The following FAM200B variants were observed in gnomAD, a reference collection of about 807,000 sequenced individuals.
FAM200B encodes protein FAM200B.
A neutral mutation model predicts 33.1 loss-of-function variants in FAM200B; 32 were observed. That is an observed-to-expected ratio of 0.97 (90% CI 0.73 to 1.30). The LOEUF is 1.30. Among genes scored for constraint, FAM200B ranks in the 50% most tolerant of loss-of-function variants. The pLI, the probability that FAM200B is intolerant of heterozygous loss-of-function variation, is 0.00. For missense variants in FAM200B, 741 were observed against 754.0 expected, an observed-to-expected ratio of 0.98 and a Z score of 0.20; for synonymous variants, 240 against 264.8, an observed-to-expected ratio of 0.91 and a Z score of 0.91.
At chr4:15,668,384 A>G in the FAM200B span, among the ~76,000 whole-genome samples, 3 of 152,134 alleles carry the variant, frequency 2.0e-5, no homozygotes, top group Non-Finnish European at 4.4e-5. Flanking sequence ...TCTGGGATGT[A>G]AAATAAGTGA....
the FAM200B span, among the ~76,000 whole-genome samples, chr4:15,648,462 C>T: frequency 2.6e-5 from 4 of 152,046 alleles, no homozygotes; most frequent in Non-Finnish European, 5.9e-5. Flanking sequence ...TTCATAATAG[C>T]CAAGATATGG....
At chr4:15,676,362 G>A in the FAM200B span, among the ~76,000 whole-genome samples, 1 of 152,150 alleles carries the variant, frequency 6.6e-6, no homozygotes, top group Non-Finnish European at 1.5e-5. Context: ...AAGATTGTAT[G>A]AGGATGGAAA....
At chr4:15,645,821 T>C in the FAM200B span, among the ~76,000 whole-genome samples, 1 of 152,252 alleles carries the variant, frequency 6.6e-6, no homozygotes, top group Non-Finnish European at 1.5e-5. Context: ...AAACATTAGC[T>C]ATTATCATTT....
the FAM200B span, among the ~76,000 whole-genome samples, chr4:15,642,013 G>A: frequency 6.6e-6 from 1 of 151,424 alleles, no homozygotes; most frequent in Non-Finnish European, 1.5e-5. Context: ...GGGTGACAGA[G>A]CAAGACTCTG....
chr4:15,642,443 C>T, the FAM200B span, among the ~76,000 whole-genome samples: 1 of 152,000 alleles, frequency 6.6e-6, no homozygotes, highest in Non-Finnish European at 1.5e-5. Flanking sequence ...ACCACATTGG[C>T]CAGGCTGGTC....
the FAM200B span, among the ~76,000 whole-genome samples, chr4:15,644,294 G>A: frequency 3.3e-3 from 507 of 152,236 alleles, 7 homozygotes; most frequent in African/African-American, 0.012. Flanking sequence ...TCACCGTCGG[G>A]ACTGATCTCT....
the FAM200B span, chr4:15,656,268 C>G: frequency 8.8e-6 from 4 of 456,164 alleles, no homozygotes; most frequent in South Asian, 6.2e-5. Flanking sequence ...ATCGCCTGGC[C>G]CTGGCCACAG....
the FAM200B span, among the ~76,000 whole-genome samples, chr4:15,665,331 G>GCCAAGGCAAA: frequency 2.0e-5 from 3 of 152,096 alleles, no homozygotes; most frequent in Non-Finnish European, 2.9e-5. Context: ...AGGCATCTTA[G>GCCAAGGCAAA]CCAAGGCAAA....
At chr4:15,655,238 C>T in the FAM200B span, 1 of 1,441,180 alleles carries the variant, frequency 6.9e-7, no homozygotes, top group East Asian at 3.0e-5. Flanking sequence ...CTGCTTCATC[C>T]GCCAGTGTGG....
At chr4:15,679,311 C>A (rs1718112641), upstream of FAM200B, among the ~76,000 whole-genome samples, 1 of 152,118 alleles carries the variant, frequency 6.6e-6, no homozygotes, top group African/African-American at 2.4e-5. Flanking sequence ...TTCGGCCTCT[C>A]AAAGTGCTGG....
At chr4:15,660,524 C>T in the FAM200B span, among the ~76,000 whole-genome samples, 4 of 152,160 alleles carry the variant, frequency 2.6e-5, no homozygotes, top group African/African-American at 7.2e-5. Context: ...TGACCAATAG[C>T]CTGGCTAATA....
At chr4:15,670,895 C>A in the FAM200B span, among the ~76,000 whole-genome samples, 1 of 136,620 alleles carries the variant, frequency 7.3e-6, no homozygotes, top group Non-Finnish European at 1.6e-5. Context: ...ATTTCAAAGA[C>A]ATTTTCTCTG....
Position 15,688,173 on chromosome 4 carries a change from A to T in FAM200B, c.1196A>T (p.Tyr399Phe). Reference sequence around the variant, plus strand: ...CAAGGGAAAATACTAAGCAGGGTTTATGAGCTCAGGAATGAGATTCACTTT... The same window carrying T: ...CAAGGGAAAATACTAAGCAGGGTTTTTGAGCTCAGGAATGAGATTCACTTT... The part of the protein sequence containing the change: ...LSQGKILSRV[Y>F]ELRNEIHFFL... The change falls in exon 2 of 2, where the codon TAT becomes TTT. Residue 399 changes from tyrosine to phenylalanine, a missense_variant. Physicochemically the swap from Tyr to Phe is conservative, Grantham distance 22. Transcript: ENST00000422728. The T allele has an allele frequency of 1.3e-6, 2 of 1,551,212 alleles. No individual in the cohort carries two copies. The highest frequency in any genetic ancestry group is 2.4e-5 in the South Asian group (2 of 84,062).
the FAM200B span, among the ~76,000 whole-genome samples, chr4:15,639,311 T>G: frequency 6.6e-6 from 1 of 152,240 alleles, no homozygotes; most frequent in Non-Finnish European, 1.5e-5. Flanking sequence ...GATGTTTAGG[T>G]CAGTTAACTG....
At chr4:15,674,130 T>C in the FAM200B span, among the ~76,000 whole-genome samples, 6 of 152,034 alleles carry the variant, frequency 3.9e-5, no homozygotes, top group East Asian at 1.2e-3. Context: ...GCTTGGTGCC[T>C]GCAGAATAGG....
At chr4:15,680,473 C>G (rs1718186081), upstream of FAM200B, among the ~76,000 whole-genome samples, 2 of 152,066 alleles carry the variant, frequency 1.3e-5, no homozygotes, top group Admixed American at 1.3e-4. Flanking sequence ...GAGTTCGAGA[C>G]CAGCCTGGCC....
At position 15,688,150 on chromosome 4, in the gene FAM200B, A is replaced by G; in HGVS notation, c.1173A>G (p.Gln391=). The G allele has an allele frequency of 6.4e-7, 1 of 1,551,340 alleles. No individual in the cohort carries two copies. The highest frequency in any genetic ancestry group is 8.7e-7 in the Non-Finnish European group (1 of 1,146,748). ...ATACCAAAATTCGTTGGTTGTCTCA[A>G]GGGAAAATACTAAGCAGGGTTTATG... ...LYHTKIRWLS[Q]GKILSRVYEL... is the part of the protein sequence containing the mutation. The change falls in exon 2 of 2, where the codon CAA becomes CAG. Residue 391 remains glutamine (Q), a synonymous_variant. Coordinates refer to ENST00000422728, the MANE Select transcript of FAM200B (RefSeq NM_001145191.2).
At chr4:15,657,173 A>G in the FAM200B span, among the ~76,000 whole-genome samples, 1 of 152,044 alleles carries the variant, frequency 6.6e-6, no homozygotes, top group Non-Finnish European at 1.5e-5. Context: ...TTTACCCTCT[A>G]TTTCTTTACC....
chr4:15,639,178 A>C, the FAM200B span, among the ~76,000 whole-genome samples: 6 of 152,228 alleles, frequency 3.9e-5, no homozygotes, highest in African/African-American at 7.2e-5. Flanking sequence ...AAAAATAAAT[A>C]AATAAAATAA....
Sources: gnomAD v4.1 joint callset for allele counts (sites outside exome capture counted in the v4.1 genomes callset) on GRCh38, gnomAD v4.1.1 for gene constraint, MANE v1.5 for transcripts, NCBI Gene and HGNC (gene_info 2026-07-23, HGNC 2026-07-21) for gene names.